Variants in USP7 observed in about 807,000 individuals in gnomAD.
USP7 encodes ubiquitin C-terminal hydrolase 7.
USP7 carries 9 observed loss-of-function variants against 162.9 expected under a neutral mutation model. That is an observed-to-expected ratio of 0.06 (90% CI 0.03 to 0.10). The LOEUF is 0.10. USP7 is among the 10% of genes least tolerant of loss of function. USP7 has a pLI of 1.00. For synonymous variants in USP7, 562 were observed against 475.9 expected, an observed-to-expected ratio of 1.18 and a Z score of -2.35; for missense variants, 715 against 1,373.7, an observed-to-expected ratio of 0.52 and a Z score of 7.58.
intron 5 of USP7, 139 bp downstream of exon 5, chr16:8,920,220 G>C: frequency 2.9e-6 from 2 of 693,596 alleles, no homozygotes; most frequent in East Asian, 2.6e-5. Flanking sequence ...AAGCAGGTGT[G>C]ACTCTGTGTG....
chr16:8,958,067 T>C (rs1387849679), intron 1 of USP7, among the ~76,000 whole-genome samples: 1 of 152,166 alleles, frequency 6.6e-6, no homozygotes, highest in Non-Finnish European at 1.5e-5. Flanking sequence ...AAAAAAGTGT[T>C]TCCTGAATGA....
At chr16:8,925,940 G>A (rs1897963700) in intron 2 of USP7, among the ~76,000 whole-genome samples, 2 of 150,888 alleles carry the variant, frequency 1.3e-5, no homozygotes, top group African/African-American at 4.9e-5. Flanking sequence ...GGATCACGAG[G>A]TCAGGAGATC....
rs374372094 is a variant in USP7 at position 8,917,170 on chromosome 16, G to A, written c.721-14C>T. The A allele has an allele frequency of 3.4e-5, 53 of 1,579,496 alleles. No homozygotes were observed. The African/African-American group carries it at 4.0e-4, about 12-fold the overall frequency. On this transcript the variant is annotated splice_polypyrimidine_tract_variant and intron_variant, in intron 6 of 30. Coordinates refer to ENST00000344836, the MANE Select transcript of USP7 (RefSeq NM_003470.3). ...CATGTACACAGCCTGAAACAATTAAGAAATAAGAATTTTTACTCTGAGAAG... is the reference window on the plus strand; with the variant it reads ...CATGTACACAGCCTGAAACAATTAAAAAATAAGAATTTTTACTCTGAGAAG...
intron 14 of USP7, 73 bp downstream of exon 14, chr16:8,905,114 A>G: frequency 6.5e-7 from 1 of 1,540,130 alleles, no homozygotes; most frequent in East Asian, 2.3e-5. Flanking sequence ...ACAGAAAAGG[A>G]TATTGGAGAT....
At chr16:8,945,841 A>C (rs1479857581) in intron 1 of USP7, among the ~76,000 whole-genome samples, 3 of 151,970 alleles carry the variant, frequency 2.0e-5, no homozygotes, top group Non-Finnish European at 4.4e-5. Context: ...GCTTGAGGCC[A>C]GGAGTCAGAA....
chr16:8,947,725 G>A (rs971845037), intron 1 of USP7, among the ~76,000 whole-genome samples: 1 of 152,072 alleles, frequency 6.6e-6, no homozygotes, highest in Non-Finnish European at 1.5e-5. Flanking sequence ...AGCTCTTTAA[G>A]GGGTGAAGTC....
At chr16:8,940,227 C>CT (rs1312242384) in intron 1 of USP7, among the ~76,000 whole-genome samples, 1 of 152,202 alleles carries the variant, frequency 6.6e-6, no homozygotes, top group African/African-American at 2.4e-5. Flanking sequence ...GCCAGGTCAC[C>CT]TGTCTAGGCA....
chr16:8,908,276 C>A, intron 12 of USP7, 65 bp downstream of exon 12: 1 of 1,327,158 alleles, frequency 7.5e-7, no homozygotes, highest in Non-Finnish European at 1.1e-6. Context: ...GAGGAAAGCA[C>A]TGAGACTAAC....
intron 13 of USP7, among the ~76,000 whole-genome samples, 154 bp downstream of exon 13, chr16:8,906,272 A>C (rs1043759359): frequency 1.3e-5 from 2 of 152,268 alleles, no homozygotes; most frequent in African/African-American, 2.4e-5. Context: ...CTCAGCAATT[A>C]AATGGATGGG....
At position 8,895,727 on chromosome 16, in the gene USP7, A is replaced by G; in HGVS notation, c.2834T>C (p.Val945Ala). Residue 945 changes from valine to alanine, a missense_variant, in exon 27 of 31, where the codon GTA becomes GCA. Physicochemically the swap from Val to Ala is moderately conservative, Grantham distance 64. This residue lies in a region of USP7 where 222 missense variants were observed against 441.7 expected (regional missense o/e 0.50). Transcript: ENST00000344836. ...ASGKLRLLEI[V>A]SYKIIGVHQE... ...ATGAACACCAATGATTTTGTAGCTT[A>G]CAATTTCTAGCAGCCTGAACAGAGA... The G allele has an allele frequency of 6.2e-7, 1 of 1,613,036 alleles. No individual in the cohort carries two copies. The highest frequency in any genetic ancestry group is 8.5e-7 in the Non-Finnish European group (1 of 1,179,714).
intron 28 of USP7, 86 bp downstream of exon 28, chr16:8,894,945 C>G: frequency 6.2e-7 from 1 of 1,613,420 alleles, no homozygotes; most frequent in Admixed American, 1.7e-5. Context: ...ACGCCTAACC[C>G]CAGCAGGAGC....
At chr16:8,956,654 T>A (rs1899815657) in intron 1 of USP7, among the ~76,000 whole-genome samples, 1 of 151,882 alleles carries the variant, frequency 6.6e-6, no homozygotes, top group Non-Finnish European at 1.5e-5. Context: ...GTCCAGCTAC[T>A]CGGGAGGCTG....
intron 1 of USP7, among the ~76,000 whole-genome samples, chr16:8,951,687 A>C: frequency 6.6e-6 from 1 of 152,180 alleles, no homozygotes; most frequent in Non-Finnish European, 1.5e-5. Flanking sequence ...GTGCACCTGC[A>C]CCCTGAGCCC....
chr16:8,920,312 C>A (rs772528808), intron 5 of USP7, 47 bp downstream of exon 5: 18 of 1,513,258 alleles, frequency 1.2e-5, no homozygotes, highest in Non-Finnish European at 1.5e-5. Context: ...TCTTTCACTG[C>A]AGCACAAAAG....
chr16:8,943,814 A>G (rs1283984702), intron 1 of USP7, among the ~76,000 whole-genome samples: 1 of 152,246 alleles, frequency 6.6e-6, no homozygotes, highest in Non-Finnish European at 1.5e-5. Context: ...ATGAGCATTC[A>G]CGCTGGGGGA....
chr16:8,952,309 A>G (rs1166234427), intron 1 of USP7, among the ~76,000 whole-genome samples: 1 of 152,240 alleles, frequency 6.6e-6, no homozygotes, highest in Non-Finnish European at 1.5e-5. Context: ...CTTACTGGCT[A>G]TGGTGAAGCC....
intron 21 of USP7, 182 bp from the exon 22 acceptor site, chr16:8,899,939 C>T: frequency 1.4e-6 from 1 of 703,818 alleles, no homozygotes; most frequent in Non-Finnish European, 2.4e-6. Flanking sequence ...GGCAAGTATG[C>T]ATGGGGATGC....
intron 10 of USP7, among the ~76,000 whole-genome samples, chr16:8,914,522 T>C (rs2061999109): frequency 6.6e-6 from 1 of 152,196 alleles, no homozygotes; most frequent in Non-Finnish European, 1.5e-5. Context: ...GATTTCAAAA[T>C]TTTTGTGGTA....
At chr16:8,908,018 T>A (rs1221859768) in intron 12 of USP7, among the ~76,000 whole-genome samples, 1 of 152,160 alleles carries the variant, frequency 6.6e-6, no homozygotes, top group Non-Finnish European at 1.5e-5. Flanking sequence ...CAAAATTAAA[T>A]TTATTAGAAA....
Sources: gnomAD v4.1 joint callset for allele counts (sites outside exome capture counted in the v4.1 genomes callset) on GRCh38, gnomAD v4.1.1 for gene constraint, gnomAD v4.1.1 regional missense constraint, MANE v1.5 for transcripts, NCBI Gene and HGNC (gene_info 2026-07-23, HGNC 2026-07-21) for gene names.